Variants in AEBP2 observed in about 807,000 individuals in gnomAD.
AEBP2 encodes the protein AE binding protein 2.
In AEBP2, 10 loss-of-function variants were observed where a neutral mutation model predicts 50.8. The ratio of observed to expected loss-of-function variants is 0.20; its 90% CI spans 0.12 to 0.33. The LOEUF (loss-of-function observed/expected upper bound fraction) is 0.33. Ranked by LOEUF, AEBP2 falls within the 10% of genes least tolerant of loss-of-function variation. The pLI is 1.00. For synonymous variants in AEBP2, 296 were observed against 261.3 expected (o/e 1.13, Z -1.28); for missense variants, 570 against 688.0 (o/e 0.83, Z 1.92).
upstream of AEBP2, among the ~76,000 whole-genome samples, chr12:19,436,223 G>C (rs1947860012): frequency 6.6e-6 from 1 of 152,140 alleles, no homozygotes; most frequent in African/African-American, 2.4e-5. Context: ...CCAGTGCCTT[G>C]ACAGTTTACA....
chr12:19,406,423 T>TG (rs769295168), intron 1 of AEBP2, among the ~76,000 whole-genome samples: 106 of 152,186 alleles, frequency 7.0e-4, no homozygotes, highest in Admixed American at 1.2e-3. Flanking sequence ...TTCAGATAAA[T>TG]AGACGCACAC....
In AEBP2 at chr12:19,518,171, C is replaced by A; in HGVS notation, c.*54C>A. ...AAGCGGGGACACCTGCAGTCTTAGTCACTGACAATGGGTTTAGGGAAAGTT... is the reference window on the plus strand; with the variant it reads ...AAGCGGGGACACCTGCAGTCTTAGTAACTGACAATGGGTTTAGGGAAAGTT... On this transcript the variant is annotated 3_prime_UTR_variant, in exon 8 of 8. Transcript: ENST00000266508. 1.3e-6 allele frequency: 2 copies of A among 1,528,214 alleles called. No homozygotes were observed. The highest frequency in any genetic ancestry group is 1.3e-5 in the South Asian group (1 of 77,768). 94.7% of individuals were successfully genotyped at this position (1,528,214 alleles called of 1,614,324 possible).
At chr12:19,447,428 T>C (rs1232646771) in intron 1 of AEBP2, among the ~76,000 whole-genome samples, 1 of 152,224 alleles carries the variant, frequency 6.6e-6, no homozygotes, top group Non-Finnish European at 1.5e-5. Flanking sequence ...CTATCTTGAT[T>C]GGCACTTTAT....
intron 3 of AEBP2, among the ~76,000 whole-genome samples, chr12:19,479,741 T>G (rs1401311443): frequency 2.3e-5 from 3 of 131,984 alleles, no homozygotes; most frequent in African/African-American, 8.0e-5. Flanking sequence ...TTTTTTTTTT[T>G]TTTTTTTACT....
chr12:19,418,533 A>G (rs576709934), intron 1 of AEBP2, among the ~76,000 whole-genome samples: 136 of 151,748 alleles, frequency 9.0e-4, no homozygotes, highest in African/African-American at 2.7e-3. Flanking sequence ...ACTTGGCCCC[A>G]GATCTTTATA....
chr12:19,448,499 GTAAA>G (rs1037037794), intron 1 of AEBP2, among the ~76,000 whole-genome samples: 12 of 150,308 alleles, frequency 8.0e-5, no homozygotes, highest in Admixed American at 2.0e-4. Flanking sequence ...AAAAAAAAAA[GTAAA>G]GATCAGGTCT....
chr12:19,449,548 T>C (rs1198965381), intron 1 of AEBP2, among the ~76,000 whole-genome samples: 1 of 152,252 alleles, frequency 6.6e-6, no homozygotes, highest in Non-Finnish European at 1.5e-5. Flanking sequence ...TTCATCATTG[T>C]TGCATAAAGT....
chr12:19,517,259 T>G (rs1949333506), intron 7 of AEBP2, among the ~76,000 whole-genome samples: 1 of 152,132 alleles, frequency 6.6e-6, no homozygotes, highest in South Asian at 2.1e-4. Flanking sequence ...AGAAATAACT[T>G]CCTGCTTGTG....
At chr12:19,517,348 A>G (rs1204403770) in intron 7 of AEBP2, among the ~76,000 whole-genome samples, 2 of 152,242 alleles carry the variant, frequency 1.3e-5, no homozygotes, top group South Asian at 2.1e-4. Context: ...AGGAATATAC[A>G]GTTGGTCCTG....
chr12:19,467,198 G>A (rs1948492036), intron 2 of AEBP2, among the ~76,000 whole-genome samples: 1 of 147,780 alleles, frequency 6.8e-6, no homozygotes, highest in African/African-American at 2.4e-5. Context: ...GAGCCACCAT[G>A]CCCAGACCAA....
At chr12:19,430,490 T>C (rs1207354428) in intron 1 of AEBP2, among the ~76,000 whole-genome samples, 1 of 152,150 alleles carries the variant, frequency 6.6e-6, no homozygotes, top group African/African-American at 2.4e-5. Flanking sequence ...GATTTTAAAG[T>C]AGTTTTTTCC....
At chr12:19,440,699 G>C (rs1429951470) in intron 1 of AEBP2, 2 of 1,533,464 alleles carry the variant, frequency 1.3e-6, no homozygotes, top group East Asian at 4.9e-5. Flanking sequence ...GCAGAAGAGG[G>C]CCTTGATGTA....
At chr12:19,441,074 G>C (rs984351661) in intron 1 of AEBP2, among the ~76,000 whole-genome samples, 4 of 152,156 alleles carry the variant, frequency 2.6e-5, no homozygotes, top group Admixed American at 2.6e-4. Context: ...CGGAATCAGA[G>C]AGTTGGAATC....
Position 19,518,220 on chromosome 12 carries a change from T to A in AEBP2, c.*103T>A. On this transcript the variant is annotated 3_prime_UTR_variant, in exon 8 of 8. Coordinates refer to ENST00000266508, the MANE Select transcript of AEBP2 (RefSeq NM_153207.5). The stretch of plus-strand genomic sequence containing the variant: ...TTGCACATTAGAGTCAACCCCTTCT[T>A]TTTTTTTTTTTTTTTTTTAAATCCA... 2.1e-5 allele frequency: 8 copies of A among 378,486 alleles called. No homozygotes were observed. The highest frequency in any genetic ancestry group is 2.2e-5 in the Non-Finnish European group (6 of 268,334). 23.4% of individuals were successfully genotyped at this position (378,486 alleles called of 1,614,324 possible). A position where few individuals can be genotyped will look rare whatever the true frequency, so the allele number is the denominator to read the frequency against.
intron 5 of AEBP2, chr12:19,509,058 G>A: frequency 1.7e-6 from 1 of 595,588 alleles, no homozygotes; most frequent in Non-Finnish European, 3.2e-6. Flanking sequence ...TGCCCAGGCA[G>A]ACATGGAGGG....
intron 3 of AEBP2, among the ~76,000 whole-genome samples, chr12:19,476,116 C>T (rs1948646346): frequency 6.6e-6 from 1 of 152,120 alleles, no homozygotes; most frequent in African/African-American, 2.4e-5. Context: ...CTTTAGGGTT[C>T]TTGGTCATAA....
intron 2 of AEBP2, among the ~76,000 whole-genome samples, chr12:19,464,657 G>A (rs1948440227): frequency 6.6e-6 from 1 of 151,578 alleles, no homozygotes; most frequent in Non-Finnish European, 1.5e-5. Context: ...TGCGGTCTCA[G>A]CTCACTGCAA....
chr12:19,454,545 A>C (rs1419446596), intron 1 of AEBP2, among the ~76,000 whole-genome samples: 1 of 152,198 alleles, frequency 6.6e-6, no homozygotes, highest in Non-Finnish European at 1.5e-5. Flanking sequence ...TAGCCTTTTT[A>C]CTCAGTGATG....
intron 1 of AEBP2, among the ~76,000 whole-genome samples, chr12:19,447,090 C>T (rs540118846): frequency 6.6e-6 from 1 of 152,320 alleles, no homozygotes; most frequent in East Asian, 1.9e-4. Flanking sequence ...ATGAGCGTAG[C>T]ATGTTCAGGA....
Sources: allele counts gnomAD v4.1 joint callset (sites outside exome capture counted in the v4.1 genomes callset), GRCh38; gene constraint gnomAD v4.1.1; transcripts MANE v1.5; gene names NCBI Gene and HGNC (gene_info 2026-07-23, HGNC 2026-07-21).